SLC30A10: variants seen among roughly 807,000 people sequenced by gnomAD.
SLC30A10 encodes the protein solute carrier family 30 member 10.
In SLC30A10, 8 loss-of-function variants were observed where a neutral mutation model predicts 21.7. The ratio of observed to expected loss-of-function variants is 0.37; its 90% CI spans 0.22 to 0.67. SLC30A10 has a LOEUF of 0.67. SLC30A10 is among the 30% of genes least tolerant of loss of function. The pLI, the probability that SLC30A10 is intolerant of heterozygous loss-of-function variation, is 0.58. For missense variants in SLC30A10, 521 were observed against 642.5 expected (o/e 0.81, Z 2.04); for synonymous variants, 272 against 279.4 (o/e 0.97, Z 0.26).
intron 1 of SLC30A10, among the ~76,000 whole-genome samples, chr1:219,934,045 T>C (rs1387196647): frequency 2.0e-5 from 3 of 152,170 alleles, no homozygotes; most frequent in Non-Finnish European, 4.4e-5. Flanking sequence ...TCCCAGCACA[T>C]TGGAAGGCCG....
chr1:219,927,773 C>T (rs1238720380), intron 1 of SLC30A10, 28 bp downstream of exon 1: 4 of 1,497,874 alleles, frequency 2.7e-6, no homozygotes, highest in African/African-American at 1.5e-5. Context: ...AAGGGCCAAG[C>T]GGTCCAAAGG....
intron 1 of SLC30A10, among the ~76,000 whole-genome samples, chr1:219,955,324 A>C (rs1193646830): frequency 6.6e-6 from 1 of 152,190 alleles, no homozygotes; most frequent in African/African-American, 2.4e-5. Flanking sequence ...CACTTTAGCC[A>C]AAAATACTGG....
chr1:219,950,387 C>G (rs1660251418), intron 1 of SLC30A10, among the ~76,000 whole-genome samples: 1 of 152,198 alleles, frequency 6.6e-6, no homozygotes, highest in Non-Finnish European at 1.5e-5. Flanking sequence ...TGCCTGTAAT[C>G]CCAGCACTTT....
intron 1 of SLC30A10, among the ~76,000 whole-genome samples, chr1:219,938,180 G>C (rs550129803): frequency 6.6e-6 from 1 of 152,298 alleles, no homozygotes; most frequent in East Asian, 1.9e-4. Context: ...AGTGGGGGAA[G>C]GGGTTGAGGG....
intron 1 of SLC30A10, among the ~76,000 whole-genome samples, chr1:219,945,438 TA>T (rs1558260117): frequency 6.6e-6 from 1 of 152,130 alleles, no homozygotes; most frequent in African/African-American, 2.4e-5. Flanking sequence ...AATAAAATTT[TA>T]AAAAATTGAA....
At position 219,912,534 on chromosome 1, in the gene SLC30A10, TA is replaced by T. The variant is rs1375972245; in HGVS notation, c.*2914del. ...GACACACAAAATATGCCGTAGACTT[TA>T]AAAATTATGTCAGTTCTGGCCGGGC... On this transcript the variant is annotated 3_prime_UTR_variant, in exon 4 of 4. Coordinates refer to ENST00000366926, the MANE Select transcript of SLC30A10 (RefSeq NM_018713.3). Among the ~76,000 whole-genome samples, 1 of 152,208 alleles carries T rather than the reference TA, an allele frequency of 6.6e-6. No individual in the cohort carries two copies. The highest frequency in any genetic ancestry group is 1.9e-4 in the East Asian group (1 of 5,160).
chr1:219,920,339 G>T (rs1195134878), intron 2 of SLC30A10, among the ~76,000 whole-genome samples: 1 of 152,118 alleles, frequency 6.6e-6, no homozygotes, highest in Non-Finnish European at 1.5e-5. Flanking sequence ...GCTTTAACTT[G>T]CTTCAGGACA....
At chr1:219,953,944 G>T (rs1374979200) in intron 1 of SLC30A10, among the ~76,000 whole-genome samples, 1 of 151,348 alleles carries the variant, frequency 6.6e-6, no homozygotes, top group Non-Finnish European at 1.5e-5. Flanking sequence ...CTGACCTCAT[G>T]ATCTGCCCGC....
At chr1:219,943,918 T>G (rs1291599843) in intron 1 of SLC30A10, among the ~76,000 whole-genome samples, 1 of 151,636 alleles carries the variant, frequency 6.6e-6, no homozygotes, top group Non-Finnish European at 1.5e-5. Context: ...GCTAACATGA[T>G]GAAACCCCGT....
At chr1:219,952,023 T>A (rs979819584) in intron 1 of SLC30A10, among the ~76,000 whole-genome samples, 13 of 152,208 alleles carry the variant, frequency 8.5e-5, no homozygotes, top group African/African-American at 3.1e-4. Context: ...GGATCTGCTG[T>A]AACCATATAT....
intron 1 of SLC30A10, among the ~76,000 whole-genome samples, chr1:219,937,362 C>T (rs981736811): frequency 1.4e-4 from 22 of 152,060 alleles, no homozygotes; most frequent in African/African-American, 5.1e-4. Flanking sequence ...AAATTTTTAT[C>T]ATCATTTAGT....
At position 219,928,083 on chromosome 1, in the gene SLC30A10, C is replaced by T; in HGVS notation, c.358G>A (p.Gly120Ser). ...ACGTTGACCAACAGCCCCAGGACGC[C>T]GACGATGAGCACCAGCTCGGGGTCA... is the stretch of plus-strand genomic sequence containing the variant. Reference protein sequence around the residue: ...IDDPELVLIVGVLGLLVNVVG... With the variant: ...IDDPELVLIVSVLGLLVNVVG... The change falls in exon 1 of 4, where the codon GGC (glycine) becomes AGC (serine). Residue 120 changes from glycine (G) to serine (S), a missense_variant. Gly to Ser is a moderately conservative substitution (Grantham distance 56). Coordinates refer to ENST00000366926, the MANE Select transcript of SLC30A10 (RefSeq NM_018713.3). This position sits in a 1 kb window ranked among gnomAD's most constrained non-coding sequence, Gnocchi z 6.3. 6.3e-7 allele frequency: 1 copy of T among 1,586,988 alleles called. No homozygotes were observed. The highest frequency in any genetic ancestry group is 8.6e-7 in the Non-Finnish European group (1 of 1,168,026).
At chr1:219,919,804 G>T (rs1482112249) in intron 2 of SLC30A10, among the ~76,000 whole-genome samples, 1 of 149,972 alleles carries the variant, frequency 6.7e-6, no homozygotes, top group Non-Finnish European at 1.5e-5. Flanking sequence ...ATGCCCAGAT[G>T]ATTGGAATGC....
In SLC30A10 at chr1:219,912,918, T is replaced by C. The variant is rs537623603; in HGVS notation, c.*2531A>G. On this transcript the variant is annotated 3_prime_UTR_variant, in exon 4 of 4. Transcript: ENST00000366926. ...AGGAGGGGATTTTCTGTAAATAACCTAAGTATACAGGAGCACCAAACTGAG... is the reference window on the plus strand; with the variant it reads ...AGGAGGGGATTTTCTGTAAATAACCCAAGTATACAGGAGCACCAAACTGAG... Among the ~76,000 whole-genome samples the C allele has an allele frequency of 1.5e-4, 23 of 152,310 alleles. No homozygotes were observed. Among genetic ancestry groups the C allele is most frequent in the Middle Eastern group, 3.4e-3 (1 of 294 alleles).
rs1185730532 is a variant in SLC30A10, at chr1:219,915,350, A to T, written c.*99T>A. 1 of 1,437,752 alleles carries T rather than the reference A, an allele frequency of 7.0e-7. No homozygotes were observed. Among genetic ancestry groups the T allele is most frequent in the African/African-American group, 1.4e-5 (1 of 70,308 alleles). 89.1% of individuals were successfully genotyped at this position (1,437,752 alleles called of 1,614,324 possible). A position where few individuals can be genotyped will look rare whatever the true frequency, so the allele number is the denominator to read the frequency against. On this transcript the variant is annotated 3_prime_UTR_variant, in exon 4 of 4. Transcript: ENST00000366926. ...GTGAACACAGAGCATGCATGCTGCA[A>T]GTCTAGTCTGGGCCTACAACCCAGA...
At position 219,915,744 on chromosome 1, in the gene SLC30A10, T is replaced by C. The variant is rs1659522153; in HGVS notation, c.1163A>G (p.Lys388Arg). The C allele has an allele frequency of 6.2e-7, 1 of 1,614,104 alleles. No homozygotes were observed. Among genetic ancestry groups the C allele is most frequent in the African/African-American group, 1.3e-5 (1 of 74,938 alleles). The change falls in exon 4 of 4, where the codon AAG becomes AGG. Residue 388 changes from lysine to arginine, a missense_variant. Lys to Arg is a conservative substitution (Grantham distance 26). Transcript: ENST00000366926. ...VTIQFENVDLKEPLEQKDLLL... is the reference protein window; with the variant it reads ...VTIQFENVDLREPLEQKDLLL... The stretch of plus-strand genomic sequence containing the variant: ...TAAGTCCTTCTGCTCCAGGGGTTCC[T>C]TCAAGTCCACATTTTCAAACTGGAT...
At chr1:219,930,972 T>C (rs753484051), upstream of SLC30A10, among the ~76,000 whole-genome samples, 12 of 152,208 alleles carry the variant, frequency 7.9e-5, no homozygotes, top group Non-Finnish European at 1.5e-4. Flanking sequence ...GACACTCTAA[T>C]AGACAAAAGA....
chr1:219,926,704 C>T (rs1659834888), intron 2 of SLC30A10, among the ~76,000 whole-genome samples: 1 of 152,170 alleles, frequency 6.6e-6, no homozygotes, highest in South Asian at 2.1e-4. Context: ...AAAATCAATT[C>T]AATTAAAATG....
chr1:219,926,463 T>C (rs1470801647), intron 2 of SLC30A10, among the ~76,000 whole-genome samples: 2 of 149,934 alleles, frequency 1.3e-5, no homozygotes, highest in Non-Finnish European at 2.9e-5. Context: ...GGGCTGACCT[T>C]AGTCCAGTGC....
Sources: allele counts gnomAD v4.1 joint callset (sites outside exome capture counted in the v4.1 genomes callset), GRCh38; gene constraint gnomAD v4.1.1; non-coding constraint Gnocchi (gnomAD v3.1); transcripts MANE v1.5; gene names NCBI Gene and HGNC (gene_info 2026-07-23, HGNC 2026-07-21).